The following C13orf42 variants were observed in gnomAD, a reference collection of about 807,000 sequenced individuals.
C13orf42 encodes the protein chromosome 13 open reading frame 42.
chr13:51,137,021 G>C (rs183560235), intron 1 of C13orf42, among the ~76,000 whole-genome samples: 3 of 152,274 alleles, frequency 2.0e-5, no homozygotes, highest in Admixed American at 2.0e-4. Context: ...AGGAATGGGA[G>C]TAGCAAAAGT....
chr13:51,117,261 T>C (rs7324137), intron 1 of C13orf42, among the ~76,000 whole-genome samples: 1 of 152,198 alleles, frequency 6.6e-6, no homozygotes, highest in South Asian at 2.1e-4. Flanking sequence ...TTTTTCTAAA[T>C]GTATTCAGCA....
intron 1 of C13orf42, among the ~76,000 whole-genome samples, chr13:51,123,165 C>T (rs1953549900): frequency 6.6e-6 from 1 of 152,226 alleles, no homozygotes; most frequent in Non-Finnish European, 1.5e-5. Flanking sequence ...CCTAGCACTG[C>T]TCATGGTTCT....
At chr13:51,163,040 C>T (rs554785539) in intron 1 of C13orf42, among the ~76,000 whole-genome samples, 9 of 152,270 alleles carry the variant, frequency 5.9e-5, no homozygotes, top group African/African-American at 2.2e-4. Flanking sequence ...TCTCTGAAAT[C>T]TTCACCCATC....
intron 1 of C13orf42, among the ~76,000 whole-genome samples, chr13:51,135,011 C>T (rs971722776): frequency 2.0e-5 from 3 of 152,216 alleles, no homozygotes; most frequent in Admixed American, 1.3e-4. Flanking sequence ...GCACTGAAGG[C>T]GCTGCCCTCC....
chr13:51,142,203 G>C (rs1293623752), intron 1 of C13orf42, among the ~76,000 whole-genome samples: 1 of 152,182 alleles, frequency 6.6e-6, no homozygotes, highest in African/African-American at 2.4e-5. Flanking sequence ...ACAATAAGTA[G>C]GTTTGTTTTG....
chr13:51,138,167 T>A (rs780994127), intron 1 of C13orf42, among the ~76,000 whole-genome samples: 4 of 152,190 alleles, frequency 2.6e-5, no homozygotes, highest in Non-Finnish European at 2.9e-5. Flanking sequence ...GATTCACTCA[T>A]AGAGCTACAC....
intron 1 of C13orf42, among the ~76,000 whole-genome samples, chr13:51,155,786 G>A (rs1566141216): frequency 1.3e-5 from 2 of 152,188 alleles, no homozygotes; most frequent in Non-Finnish European, 1.5e-5. Flanking sequence ...CTTGACTTCT[G>A]GGGAAGAGAC....
At chr13:51,164,869 T>C (rs1953892488) in intron 1 of C13orf42, among the ~76,000 whole-genome samples, 1 of 152,180 alleles carries the variant, frequency 6.6e-6, no homozygotes. Context: ...GATGTGGGTG[T>C]TGCAGGTTTG....
intron 1 of C13orf42, among the ~76,000 whole-genome samples, chr13:51,139,275 A>G: frequency 6.6e-6 from 1 of 152,186 alleles, no homozygotes; most frequent in East Asian, 1.9e-4. Context: ...AGATCACGCC[A>G]CTGTACTCCA....
intron 1 of C13orf42, among the ~76,000 whole-genome samples, chr13:51,102,727 T>C (rs1285984363): frequency 3.3e-5 from 5 of 152,192 alleles, no homozygotes; most frequent in Non-Finnish European, 7.4e-5. Context: ...ATGTTCACAC[T>C]GCTATTAAAG....
At chr13:51,110,073 T>A (rs569029646) in intron 1 of C13orf42, among the ~76,000 whole-genome samples, 17 of 152,288 alleles carry the variant, frequency 1.1e-4, no homozygotes, top group African/African-American at 3.8e-4. Context: ...AGACACAGAC[T>A]CTCTCCGTGT....
intron 1 of C13orf42, among the ~76,000 whole-genome samples, chr13:51,109,156 CT>C (rs1192330910): frequency 2.6e-5 from 4 of 152,198 alleles, no homozygotes; most frequent in African/African-American, 7.2e-5. Flanking sequence ...GACTAGGACC[CT>C]TTTTTATGGG....
chr13:51,090,690 A>C (rs1352556683), intron 1 of C13orf42, among the ~76,000 whole-genome samples: 3 of 152,200 alleles, frequency 2.0e-5, no homozygotes, highest in Non-Finnish European at 4.4e-5. Context: ...TTTGGCTAGC[A>C]GCTCAAAGCA....
chr13:51,115,226 A>C (rs1369470095), upstream of C13orf42, among the ~76,000 whole-genome samples: 1 of 152,216 alleles, frequency 6.6e-6, no homozygotes, highest in Non-Finnish European at 1.5e-5. Flanking sequence ...ATTTGTAGAG[A>C]TCACAGGCTC....
intron 1 of C13orf42, among the ~76,000 whole-genome samples, chr13:51,152,659 C>T (rs1234897706): frequency 6.6e-6 from 1 of 152,188 alleles, no homozygotes; most frequent in East Asian, 1.9e-4. Context: ...TCTGATAGTG[C>T]AAAGTTTTTC....
At chr13:51,161,749 G>T in intron 1 of C13orf42, 1 of 274,104 alleles carries the variant, frequency 3.6e-6, no homozygotes, top group Non-Finnish European at 7.2e-6. Context: ...CCCATGATGT[G>T]CTTCTGATGC....
intron 1 of C13orf42, among the ~76,000 whole-genome samples, chr13:51,135,113 G>A (rs1001175745): frequency 6.6e-6 from 1 of 152,220 alleles, no homozygotes; most frequent in Non-Finnish European, 1.5e-5. Context: ...GGCCGGCTCT[G>A]GAGCTGCACC....
intron 2 of C13orf42, among the ~76,000 whole-genome samples, chr13:51,086,046 C>A (rs1953120851): frequency 6.6e-6 from 1 of 151,476 alleles, no homozygotes; most frequent in African/African-American, 2.4e-5. Flanking sequence ...GTGGCTCACA[C>A]CTGTAATCCC....
At chr13:51,151,625 C>T (rs751641226) in intron 1 of C13orf42, among the ~76,000 whole-genome samples, 3 of 152,168 alleles carry the variant, frequency 2.0e-5, no homozygotes, top group East Asian at 1.9e-4. Context: ...CAAATATGCC[C>T]GGCATTCCAG....
Sources: allele counts gnomAD v4.1 joint callset (sites outside exome capture counted in the v4.1 genomes callset), GRCh38; gene constraint gnomAD v4.1.1; transcripts MANE v1.5; gene names NCBI Gene and HGNC (gene_info 2026-07-23, HGNC 2026-07-21).